Variants in NUDCD1 observed in about 807,000 individuals in gnomAD.
NUDCD1 encodes nudC domain-containing protein 1.
Under a neutral mutation model 67.8 loss-of-function variants are expected in NUDCD1, and 60 were observed. The ratio of observed to expected loss-of-function variants is 0.88; its 90% confidence interval spans 0.72 to 1.10. NUDCD1 has a LOEUF of 1.10. Among genes scored for constraint, NUDCD1 ranks in the 50% least tolerant of loss-of-function variants. NUDCD1 has a pLI of 0.00. For missense variants in NUDCD1, 643 were observed against 695.0 expected (o/e 0.93, Z 0.84); for synonymous variants, 244 against 230.8 (o/e 1.06, Z -0.52).
Position 109,306,785 on chromosome 8 carries a change from A to T in NUDCD1, c.274-10216T>A, listed in dbSNP as rs548957524. Among the ~76,000 whole-genome samples the T allele has an allele frequency of 2.6e-5, 4 of 152,232 alleles. No individual in the cohort carries two copies. In the East Asian group the frequency reaches 7.7e-4, roughly 29 times the overall value. On this transcript the variant is annotated intron_variant, in intron 2 of 9. Transcript: ENST00000239690. The stretch of plus-strand genomic sequence containing the variant: ...ATTCCTACAAAACCACATTCAGGCC[A>T]TCACCAATCATTCTATACGACAAAT...
At chr8:109,304,382 C>G (rs1202556462) in intron 2 of NUDCD1, among the ~76,000 whole-genome samples, 1 of 152,160 alleles carries the variant, frequency 6.6e-6, no homozygotes, top group Admixed American at 6.5e-5. Flanking sequence ...TCTGATCACA[C>G]TTGGTTTATT....
Position 109,245,388 on chromosome 8 carries a change from G to A in NUDCD1, c.1393C>T (p.Leu465Phe). Residue 465 changes from leucine (L) to phenylalanine (F), a missense_variant, in exon 9 of 10, where the codon CTC (leucine) becomes TTC (phenylalanine). By Grantham distance (22) the Leu-to-Phe change is conservative. Coordinates refer to ENST00000239690, the MANE Select transcript of NUDCD1 (RefSeq NM_032869.4). Reference sequence around the variant, plus strand: ...TGTTTGCTGGAGTGTGGTTGCCAGAGTAGGGCATCAACATCATGGCGCAAA... The same window carrying A: ...TGTTTGCTGGAGTGTGGTTGCCAGAATAGGGCATCAACATCATGGCGCAAA... ...FCLRHDVDAL[L>F]WQPHSSKQDD... is the part of the protein sequence containing the mutation. The A allele has an allele frequency of 3.1e-6, 5 of 1,613,888 alleles. No homozygotes were observed. The highest frequency in any genetic ancestry group is 4.2e-6 in the Non-Finnish European group (5 of 1,179,874).
Position 109,241,307 on chromosome 8 carries a change from T to G in NUDCD1, c.*1702A>C. On this transcript the variant is annotated 3_prime_UTR_variant, in exon 10 of 10. Transcript: ENST00000239690. ...GGTTAATTAAGCACCACATTTTTAT[T>G]ATACATTTTTCTTATGTTCCCTAAG... 1 of 152,306 alleles carries G rather than the reference T, an allele frequency of 6.6e-6. No homozygotes were observed. The allele number at this position is 152,306 out of a possible 1,614,324, so 9.4% of individuals were successfully genotyped here.
rs151107283 is a variant in NUDCD1, at chr8:109,273,530, G to A, written c.1173+1822C>T. Among the ~76,000 whole-genome samples the A allele has an allele frequency of 9.4e-4, 142 of 151,664 alleles. 1 individual carries two copies. The East Asian group carries it at 0.022, about 24-fold the overall frequency. ...GAAAAAAAGAGCAAAATATATCCCC[G>A]GTAAACAAAAGGAAGAACATAATAA... On this transcript the variant is annotated intron_variant, in intron 7 of 9. Coordinates refer to ENST00000239690, the MANE Select transcript of NUDCD1 (RefSeq NM_032869.4).
intron 3 of NUDCD1, among the ~76,000 whole-genome samples, chr8:109,296,163 G>A (rs1814836989): frequency 6.6e-6 from 1 of 152,160 alleles, no homozygotes; most frequent in African/African-American, 2.4e-5. Flanking sequence ...TGCAATTCTT[G>A]ACAACTGCAC....
At chr8:109,310,681 C>T (rs898752992) in intron 2 of NUDCD1, among the ~76,000 whole-genome samples, 6 of 151,944 alleles carry the variant, frequency 3.9e-5, no homozygotes, top group East Asian at 1.9e-4. Context: ...AATAAAGAGA[C>T]AACCTATAGA....
At chr8:109,316,698 A>G (rs766145899) in intron 2 of NUDCD1, among the ~76,000 whole-genome samples, 2 of 152,178 alleles carry the variant, frequency 1.3e-5, no homozygotes, top group Non-Finnish European at 2.9e-5. Flanking sequence ...TAAGTGTAGT[A>G]TTCTTCTGTA....
At chr8:109,313,419 G>T (rs779473348) in intron 2 of NUDCD1, among the ~76,000 whole-genome samples, 2 of 152,132 alleles carry the variant, frequency 1.3e-5, no homozygotes, top group African/African-American at 4.8e-5. Context: ...TGATACGACA[G>T]CACAAAGTAT....
At chr8:109,307,304 T>C (rs1302371022) in intron 2 of NUDCD1, among the ~76,000 whole-genome samples, 1 of 152,246 alleles carries the variant, frequency 6.6e-6, no homozygotes, top group African/African-American at 2.4e-5. Flanking sequence ...ATGTACTTTG[T>C]ATGCCTATCC....
intron 7 of NUDCD1, among the ~76,000 whole-genome samples, chr8:109,273,038 C>T (rs113365233): frequency 0.021 from 3,153 of 152,272 alleles, 110 homozygotes; most frequent in African/African-American, 0.072. Context: ...GCCACCAGTG[C>T]TTCACAGGAC....
intron 2 of NUDCD1, among the ~76,000 whole-genome samples, chr8:109,301,080 C>G (rs917219976): frequency 2.0e-5 from 3 of 152,216 alleles, no homozygotes; most frequent in Non-Finnish European, 4.4e-5. Flanking sequence ...AAGCCACTGT[C>G]AGGTCTCTGA....
chr8:109,329,268 A>G (rs1246866228), intron 1 of NUDCD1, among the ~76,000 whole-genome samples: 1 of 152,176 alleles, frequency 6.6e-6, no homozygotes, highest in East Asian at 1.9e-4. Flanking sequence ...GTGTAACTGG[A>G]GTCTTCAAAG....
intron 2 of NUDCD1, among the ~76,000 whole-genome samples, chr8:109,312,981 C>T (rs1472150240): frequency 6.6e-6 from 1 of 152,204 alleles, no homozygotes; most frequent in African/African-American, 2.4e-5. Context: ...TCAGTCTAGT[C>T]TTCCCTCCTT....
At chr8:109,252,781 G>T (rs1254377310) in intron 8 of NUDCD1, among the ~76,000 whole-genome samples, 2 of 152,156 alleles carry the variant, frequency 1.3e-5, no homozygotes, top group African/African-American at 2.4e-5. Flanking sequence ...GCTGTTGGCT[G>T]CCCTGTAAGC....
chr8:109,293,751 T>C (rs1586285378), intron 3 of NUDCD1, among the ~76,000 whole-genome samples: 1 of 152,080 alleles, frequency 6.6e-6, no homozygotes. Flanking sequence ...AAAAAACTGA[T>C]CATTAGTCTT....
At chr8:109,250,855 G>A (rs984066220) in intron 8 of NUDCD1, among the ~76,000 whole-genome samples, 1 of 152,096 alleles carries the variant, frequency 6.6e-6, no homozygotes, top group Non-Finnish European at 1.5e-5. Flanking sequence ...TTTACTTATT[G>A]ATGGATTTCA....
At chr8:109,266,479 C>T (rs1295724162) in intron 8 of NUDCD1, among the ~76,000 whole-genome samples, 2 of 148,756 alleles carry the variant, frequency 1.3e-5, no homozygotes, top group Non-Finnish European at 1.5e-5. Flanking sequence ...TTCCTGACCT[C>T]GTGATCCGCC....
chr8:109,315,018 A>G (rs1186902417), intron 2 of NUDCD1, among the ~76,000 whole-genome samples: 1 of 152,168 alleles, frequency 6.6e-6, no homozygotes, highest in Admixed American at 6.5e-5. Context: ...AGACAATGAT[A>G]TTTAAAACTT....
intron 1 of NUDCD1, among the ~76,000 whole-genome samples, chr8:109,332,249 G>C (rs898221083): frequency 6.6e-6 from 1 of 152,182 alleles, no homozygotes; most frequent in East Asian, 1.9e-4. Flanking sequence ...AGGCAGGAAG[G>C]CTAGTCAGGA....
Sources: gnomAD v4.1 joint callset for allele counts (sites outside exome capture counted in the v4.1 genomes callset) on GRCh38, gnomAD v4.1.1 for gene constraint, MANE v1.5 for transcripts, NCBI Gene and HGNC (gene_info 2026-07-23, HGNC 2026-07-21) for gene names.